LIN7A: variants seen among roughly 807,000 people sequenced by gnomAD.
LIN7A encodes protein lin-7 homolog A.
LIN7A carries 25 observed loss-of-function variants against 29.8 expected under a neutral mutation model. The observed-to-expected ratio is 0.84, with a 90% CI of 0.61 to 1.17. The LOEUF is 1.17. LIN7A is among the 50% of genes most tolerant of loss of function. The pLI is 0.00. For synonymous variants in LIN7A, 118 were observed against 107.5 expected (o/e 1.10, Z -0.60); for missense variants, 239 against 287.0 (o/e 0.83, Z 1.21).
chr12:80,856,835 A>AAAAAC (rs148640451), intron 2 of LIN7A, among the ~76,000 whole-genome samples: 2 of 151,726 alleles, frequency 1.3e-5, no homozygotes, highest in East Asian at 1.9e-4. Flanking sequence ...ACTTATAACT[A>AAAAAC]AAAACAAAAC....
At chr12:80,911,200 A>C (rs1477095729) in intron 1 of LIN7A, among the ~76,000 whole-genome samples, 1 of 152,012 alleles carries the variant, frequency 6.6e-6, no homozygotes, top group African/African-American at 2.4e-5. Context: ...ATCTTTACAT[A>C]CATGAAAATG....
chr12:80,837,508 A>G (rs912500370), intron 4 of LIN7A, among the ~76,000 whole-genome samples: 2 of 152,188 alleles, frequency 1.3e-5, no homozygotes, highest in African/African-American at 4.8e-5. Flanking sequence ...TGCAGTCACC[A>G]GAAGCTGAAG....
At chr12:80,899,000 G>A (rs575332404) in intron 1 of LIN7A, among the ~76,000 whole-genome samples, 1 of 151,850 alleles carries the variant, frequency 6.6e-6, no homozygotes, top group East Asian at 1.9e-4. Flanking sequence ...CTCATTGCTC[G>A]GGCTAATCCA....
intron 2 of LIN7A, among the ~76,000 whole-genome samples, chr12:80,866,117 T>C (rs1441779041): frequency 6.6e-6 from 1 of 152,212 alleles, no homozygotes; most frequent in Admixed American, 6.5e-5. Context: ...TAGAATCTAA[T>C]ATTTGTTTCT....
At chr12:80,806,970 A>C (rs796603389) in intron 5 of LIN7A, among the ~76,000 whole-genome samples, 19 of 151,526 alleles carry the variant, frequency 1.3e-4, no homozygotes, top group African/African-American at 3.4e-4. Flanking sequence ...ACTATATCTC[A>C]TGCCAGAAAT....
intron 2 of LIN7A, 74 bp downstream of exon 2, chr12:80,889,177 T>C (rs1875492262): frequency 1.2e-6 from 1 of 821,060 alleles, no homozygotes; most frequent in Non-Finnish European, 2.1e-6. Context: ...TTTCAACTGT[T>C]TGTGTAGAGA....
intron 1 of LIN7A, among the ~76,000 whole-genome samples, chr12:80,934,818 G>T (rs771362134): frequency 6.6e-6 from 1 of 152,140 alleles, no homozygotes; most frequent in African/African-American, 2.4e-5. Flanking sequence ...TATATATTCA[G>T]ATTTGCTGGG....
chr12:80,921,929 C>T (rs1473553958), intron 1 of LIN7A, among the ~76,000 whole-genome samples: 1 of 152,182 alleles, frequency 6.6e-6, no homozygotes, highest in Admixed American at 6.5e-5. Flanking sequence ...CAGAAGGATG[C>T]AAATATTCCC....
intron 1 of LIN7A, among the ~76,000 whole-genome samples, chr12:80,906,831 A>G (rs1465150335): frequency 2.0e-5 from 3 of 152,234 alleles, no homozygotes; most frequent in South Asian, 2.1e-4. Context: ...TGAAAATCGG[A>G]AAAAAACAAA....
chr12:80,929,450 A>G (rs1213955241), intron 1 of LIN7A, among the ~76,000 whole-genome samples: 1 of 152,220 alleles, frequency 6.6e-6, no homozygotes, highest in African/African-American at 2.4e-5. Context: ...GTGCTCATTC[A>G]AAATATTGGT....
intron 1 of LIN7A, among the ~76,000 whole-genome samples, chr12:80,928,658 T>C (rs947852485): frequency 2.6e-5 from 4 of 152,236 alleles, no homozygotes; most frequent in African/African-American, 2.4e-5. Flanking sequence ...TTCTCTCTGA[T>C]GATAGTTTCT....
intron 5 of LIN7A, among the ~76,000 whole-genome samples, chr12:80,811,068 G>T (rs1455451114): frequency 6.6e-6 from 1 of 152,144 alleles, no homozygotes; most frequent in East Asian, 1.9e-4. Context: ...ACTGTGTAAA[G>T]GCAACTGGCC....
chr12:80,926,577 T>G (rs1021565917), intron 1 of LIN7A, among the ~76,000 whole-genome samples: 3 of 152,214 alleles, frequency 2.0e-5, no homozygotes, highest in Admixed American at 6.5e-5. Context: ...TTTTGTTATT[T>G]ATTGTTTTAT....
At chr12:80,844,264 A>T (rs370842597) in intron 4 of LIN7A, among the ~76,000 whole-genome samples, 2 of 152,176 alleles carry the variant, frequency 1.3e-5, no homozygotes, top group East Asian at 3.9e-4. Context: ...ATCTCAAAAC[A>T]TTATTACATA....
chr12:80,874,811 G>A (rs1207066545), intron 2 of LIN7A, among the ~76,000 whole-genome samples: 2 of 152,078 alleles, frequency 1.3e-5, no homozygotes, highest in Admixed American at 6.6e-5. Context: ...GTGAAGCCCC[G>A]TCTCTACTAA....
At chr12:80,916,488 G>A (rs1877036402) in intron 1 of LIN7A, among the ~76,000 whole-genome samples, 1 of 152,104 alleles carries the variant, frequency 6.6e-6, no homozygotes, top group Admixed American at 6.6e-5. Flanking sequence ...TACACTTGCT[G>A]TTTCCTCTGA....
At chr12:80,851,231 A>G (rs1873315142) in intron 2 of LIN7A, among the ~76,000 whole-genome samples, 1 of 151,364 alleles carries the variant, frequency 6.6e-6, no homozygotes. Context: ...GAGGGCTGCA[A>G]ATATACAATA....
rs1324820559 is a variant in LIN7A at position 80,891,129 on chromosome 12, TG to T, written c.83-1761del. 2.0e-5 allele frequency among the ~76,000 whole-genome samples: 3 copies of T among 152,212 alleles called. No individual in the cohort carries two copies. The East Asian group carries it at 5.8e-4, about 29-fold the overall frequency. On this transcript the variant is annotated intron_variant, in intron 1 of 5. Transcript: ENST00000552864. ...TAGATTCTATCTTGGAATTGCCTTT[TG>T]TAAAGAGCCCTATCACTCTCATGGA...
At chr12:80,829,384 T>C (rs1872235192) in intron 4 of LIN7A, among the ~76,000 whole-genome samples, 1 of 152,214 alleles carries the variant, frequency 6.6e-6, no homozygotes, top group Non-Finnish European at 1.5e-5. Context: ...GTTAATTTGC[T>C]GAAACCCAAG....
Sources: allele counts gnomAD v4.1 joint callset (sites outside exome capture counted in the v4.1 genomes callset), GRCh38; gene constraint gnomAD v4.1.1; transcripts MANE v1.5; gene names NCBI Gene and HGNC (gene_info 2026-07-23, HGNC 2026-07-21).